Variants in BAZ2B observed in about 807,000 individuals in gnomAD.
BAZ2B encodes the protein bromodomain adjacent to zinc finger domain 2B.
Under a neutral mutation model 246.0 loss-of-function variants are expected in BAZ2B, and 91 were observed. That is an observed-to-expected ratio of 0.37 (90% confidence interval 0.31 to 0.44). The LOEUF (loss-of-function observed/expected upper bound fraction) is 0.44. Ranked by LOEUF, BAZ2B falls within the 20% of genes least tolerant of loss-of-function variation. The pLI, the probability that BAZ2B is intolerant of heterozygous loss-of-function variation, is 1.00. For missense variants in BAZ2B, 2,332 were observed against 2,533.7 expected, an observed-to-expected ratio of 0.92 and a Z score of 1.71; for synonymous variants, 855 against 860.0, an observed-to-expected ratio of 0.99 and a Z score of 0.10.
At chr2:159,421,922 C>T (rs2068833319) in intron 13 of BAZ2B, among the ~76,000 whole-genome samples, 1 of 152,052 alleles carries the variant, frequency 6.6e-6, no homozygotes, top group African/African-American at 2.4e-5. Context: ...ATACAAAAAT[C>T]AATAACATTT....
chr2:159,409,314 T>C (rs1489122195), intron 14 of BAZ2B, among the ~76,000 whole-genome samples: 1 of 152,192 alleles, frequency 6.6e-6, no homozygotes, highest in Non-Finnish European at 1.5e-5. Flanking sequence ...GTGCATGGTA[T>C]AGATTACTTA....
intron 1 of BAZ2B, among the ~76,000 whole-genome samples, chr2:159,574,026 G>T (rs1684644969): frequency 6.6e-6 from 1 of 151,934 alleles, no homozygotes. Flanking sequence ...CTAGAGCCTG[G>T]GAGGTTGAGC....
In BAZ2B at chr2:159,433,565, A is replaced by C. The variant is rs950661891; in HGVS notation, c.1294-202T>G. 4 of 460,638 alleles carry C rather than the reference A, an allele frequency of 8.7e-6. No individual in the cohort carries two copies. In the South Asian group the frequency reaches 1.9e-4, roughly 22 times the overall value. The allele number at this position is 460,638 out of a possible 1,614,324, so 28.5% of individuals were successfully genotyped here. ...GGCTCTAATTTATTAAAATTTATTT[A>C]GTTTTTCCCCATTAAAAATTATATG... is the stretch of plus-strand genomic sequence containing the variant. On this transcript the variant is annotated intron_variant, in intron 8 of 36. Transcript: ENST00000392783.
intron 27 of BAZ2B, among the ~76,000 whole-genome samples, chr2:159,357,941 G>A (rs913856929): frequency 6.6e-6 from 1 of 152,148 alleles, no homozygotes; most frequent in African/African-American, 2.4e-5. Flanking sequence ...CACCAGGCCT[G>A]CCTTACAAGA....
intron 27 of BAZ2B, among the ~76,000 whole-genome samples, chr2:159,353,832 C>G (rs911554536): frequency 1.1e-4 from 17 of 152,120 alleles, no homozygotes; most frequent in Non-Finnish European, 2.4e-4. Context: ...CTAGTTCTGC[C>G]TGACAAAGTT....
chr2:159,701,230 C>T, the BAZ2B span, among the ~76,000 whole-genome samples: 1 of 152,136 alleles, frequency 6.6e-6, no homozygotes, highest in Non-Finnish European at 1.5e-5. Flanking sequence ...CTAGAAGACA[C>T]ATTTATTGTA....
chr2:159,646,177 C>T, the BAZ2B span, among the ~76,000 whole-genome samples: 2 of 152,154 alleles, frequency 1.3e-5, no homozygotes, highest in African/African-American at 2.4e-5. Context: ...AGAGGCCCAC[C>T]CTCAGGGGCG....
chr2:159,559,172 G>A (rs34479616), intron 1 of BAZ2B, among the ~76,000 whole-genome samples: 9,949 of 152,130 alleles, frequency 0.065, 419 homozygotes, highest in Middle Eastern at 0.19. Flanking sequence ...TGAGCCCAAG[G>A]AGGTCAAGGC....
At chr2:159,385,088 T>C in intron 23 of BAZ2B, 67 bp downstream of exon 23, 2 of 1,461,172 alleles carry the variant, frequency 1.4e-6, no homozygotes, top group Non-Finnish European at 1.9e-6. Flanking sequence ...ATAATCAATT[T>C]GTATTACTTT....
the BAZ2B span, among the ~76,000 whole-genome samples, chr2:159,696,957 T>C: frequency 6.6e-6 from 1 of 152,060 alleles, no homozygotes; most frequent in Admixed American, 6.5e-5. Flanking sequence ...CGGCTAATTG[T>C]TGTATTTTTG....
At chr2:159,443,044 T>C (rs553116397) in intron 6 of BAZ2B, among the ~76,000 whole-genome samples, 1 of 152,336 alleles carries the variant, frequency 6.6e-6, no homozygotes, top group Admixed American at 6.5e-5. Context: ...GGGTGGTATA[T>C]ACCCAGAAGT....
intron 13 of BAZ2B, among the ~76,000 whole-genome samples, chr2:159,427,581 G>C (rs1171786497): frequency 6.6e-6 from 1 of 151,800 alleles, no homozygotes; most frequent in East Asian, 1.9e-4. Context: ...ATAATAATAG[G>C]GTCTTCATAT....
chr2:159,448,340 C>T lies in BAZ2B; in HGVS notation c.404G>A (p.Gly135Glu), dbSNP rs201530206. The T allele has an allele frequency of 1.9e-6, 3 of 1,613,206 alleles. No homozygotes were observed. The African/African-American group carries it at 4.0e-5, about 22-fold the overall frequency. The change falls in exon 5 of 37, where the codon GGA becomes GAA. Residue 135 changes from glycine to glutamate, a missense_variant. Gly to Glu is a moderately conservative substitution (Grantham distance 98). Transcript: ENST00000392783. ...TGGGGGAGCAAATAGTGGTGGAATT[C>T]CCAGTAATGGTGGAAAGAAGGTTGC... ...TGATFFPPLL[G>E]IPPLFAPPAQ...
intron 14 of BAZ2B, among the ~76,000 whole-genome samples, chr2:159,410,229 A>G (rs1205558225): frequency 6.6e-6 from 1 of 152,182 alleles, no homozygotes; most frequent in African/African-American, 2.4e-5. Flanking sequence ...TAATTTATTG[A>G]CTTTTTAACC....
intron 25 of BAZ2B, among the ~76,000 whole-genome samples, chr2:159,376,150 A>G (rs774271658): frequency 5.3e-5 from 8 of 152,314 alleles, no homozygotes; most frequent in Non-Finnish European, 1.0e-4. Flanking sequence ...AACCTTTGTA[A>G]GTCTATTCAT....
chr2:159,517,301 T>C (rs571788954), intron 2 of BAZ2B, among the ~76,000 whole-genome samples: 5 of 152,142 alleles, frequency 3.3e-5, no homozygotes, highest in Admixed American at 2.6e-4. Flanking sequence ...TCTTTGTCCA[T>C]AGTTTTTTTT....
At chr2:159,658,458 T>A in the BAZ2B span, among the ~76,000 whole-genome samples, 1 of 152,116 alleles carries the variant, frequency 6.6e-6, no homozygotes, top group Non-Finnish European at 1.5e-5. Flanking sequence ...CTAGGCCTCA[T>A]GAGTATGCAG....
intron 3 of BAZ2B, chr2:159,463,000 T>C (rs568636069): frequency 5.5e-5 from 44 of 794,678 alleles, no homozygotes; most frequent in Non-Finnish European, 9.7e-5. Context: ...TCTAAAACTC[T>C]GCTATTACCC....
At chr2:159,437,370 A>G (rs1036326425) in intron 8 of BAZ2B, 17 of 151,750 alleles carry the variant, frequency 1.1e-4, no homozygotes, top group Non-Finnish European at 2.1e-4. Flanking sequence ...ATTTCATATA[A>G]TCCATTAAGA....
Sources: allele counts gnomAD v4.1 joint callset (sites outside exome capture counted in the v4.1 genomes callset), GRCh38; gene constraint gnomAD v4.1.1; transcripts MANE v1.5; gene names NCBI Gene and HGNC (gene_info 2026-07-23, HGNC 2026-07-21).